Variants in CRYL1 observed in about 807,000 individuals in gnomAD.
CRYL1 encodes the protein lambda-crystallin homolog.
Under a neutral mutation model 36.6 loss-of-function variants are expected in CRYL1, and 29 were observed. The observed-to-expected ratio is 0.79, with a 90% CI of 0.59 to 1.08. The LOEUF is 1.08. Among genes scored for constraint, CRYL1 ranks in the 50% least tolerant of loss-of-function variants. The probability of loss-of-function intolerance (pLI) is 0.00; values close to 1 mark genes in which losing one functional copy is unlikely to be tolerated. For synonymous variants in CRYL1, 152 were observed against 151.5 expected (o/e 1.00, Z -0.02); for missense variants, 411 against 407.9 (o/e 1.01, Z -0.06).
chr13:20,485,849 T>A (rs993707178), intron 3 of CRYL1, among the ~76,000 whole-genome samples: 3 of 152,204 alleles, frequency 2.0e-5, no homozygotes, highest in Non-Finnish European at 4.4e-5. Flanking sequence ...GGACTTAGAT[T>A]GAAATCCAAA....
chr13:20,479,756 G>A (rs530301341), intron 3 of CRYL1, among the ~76,000 whole-genome samples: 25 of 152,274 alleles, frequency 1.6e-4, no homozygotes, highest in African/African-American at 5.1e-4. Flanking sequence ...TGCAAACTTT[G>A]TTAATATTTA....
chr13:20,430,246 A>G, intron 5 of CRYL1: 1 of 984,680 alleles, frequency 1.0e-6, no homozygotes, highest in Non-Finnish European at 1.2e-6. Flanking sequence ...TTTTACTCAC[A>G]TTTTCTTAAT....
At chr13:20,476,906 A>G (rs1024215937) in intron 3 of CRYL1, 5 of 152,504 alleles carry the variant, frequency 3.3e-5, no homozygotes, top group African/African-American at 7.2e-5. Context: ...TCACGCCTGT[A>G]ATCCCAGCAC....
intron 1 of CRYL1, among the ~76,000 whole-genome samples, chr13:20,518,766 G>A (rs1159087287): frequency 6.6e-6 from 1 of 152,182 alleles, no homozygotes; most frequent in Non-Finnish European, 1.5e-5. Flanking sequence ...GAGGCAGAGG[G>A]GGTGCTGGAA....
chr13:20,443,574 G>A (rs1455831947), intron 3 of CRYL1, among the ~76,000 whole-genome samples: 1 of 151,940 alleles, frequency 6.6e-6, no homozygotes, highest in Admixed American at 6.6e-5. Flanking sequence ...TGTATTTTTA[G>A]TAGAGACAGG....
chr13:20,472,591 C>T (rs978511404), intron 3 of CRYL1, among the ~76,000 whole-genome samples: 5 of 152,188 alleles, frequency 3.3e-5, no homozygotes, highest in South Asian at 4.1e-4. Flanking sequence ...TCCTAACGTA[C>T]GGGCAAGGCT....
At chr13:20,412,946 T>C (rs186069590) in intron 6 of CRYL1, among the ~76,000 whole-genome samples, 3 of 152,318 alleles carry the variant, frequency 2.0e-5, no homozygotes, top group South Asian at 4.1e-4. Flanking sequence ...CTGTAAATAA[T>C]GTCATCATCT....
Position 20,468,613 on chromosome 13 carries a change from T to G in CRYL1, c.276+20757A>C, listed in dbSNP as rs2032990640. ...CTCCCTTTACCTAGTTTTTGTTTGT[T>G]TGTTTGTTTTGAGGTGCAGTCTCGC... On this transcript the variant is annotated intron_variant, in intron 3 of 7. Coordinates refer to ENST00000298248, the MANE Select transcript of CRYL1 (RefSeq NM_015974.3). Among the ~76,000 whole-genome samples, 4 of 152,196 alleles carry G rather than the reference T, an allele frequency of 2.6e-5. No homozygotes were observed. In the South Asian group the frequency reaches 8.3e-4, roughly 32 times the overall value.
intron 3 of CRYL1, among the ~76,000 whole-genome samples, chr13:20,447,790 T>C (rs1054548136): frequency 6.6e-6 from 1 of 152,198 alleles, no homozygotes; most frequent in African/African-American, 2.4e-5. Flanking sequence ...ACCTTATACC[T>C]TGCTCAATTC....
Position 20,441,904 on chromosome 13 carries a change from T to C in CRYL1, c.277-2150A>G, listed in dbSNP as rs1487986283. On this transcript the variant is annotated intron_variant, in intron 3 of 7. Transcript: ENST00000298248. Reference sequence around the variant, plus strand: ...GTGAATCTTTTTAAAGAAACAAAAGTTCGCATGAGCACCACATCTCAAAGA... The same window carrying C: ...GTGAATCTTTTTAAAGAAACAAAAGCTCGCATGAGCACCACATCTCAAAGA... Among the ~76,000 whole-genome samples, 3 of 152,240 alleles carry C rather than the reference T, an allele frequency of 2.0e-5. No individual in the cohort carries two copies. In the South Asian group the frequency reaches 6.2e-4, roughly 32 times the overall value.
intron 2 of CRYL1, among the ~76,000 whole-genome samples, chr13:20,509,250 T>TTTTTGTTTTGTTTTG (rs10694169): frequency 6.8e-6 from 1 of 146,868 alleles, no homozygotes; most frequent in East Asian, 2.0e-4. Flanking sequence ...GCCTCATAGT[T>TTTTTGTTTTGTTTTG]TTTTGTTTTG....
intron 2 of CRYL1, among the ~76,000 whole-genome samples, chr13:20,491,015 C>T (rs2033501250): frequency 6.6e-6 from 1 of 152,174 alleles, no homozygotes; most frequent in South Asian, 2.1e-4. Context: ...AAGTGATCTC[C>T]CACCTCAGCC....
intron 4 of CRYL1, 63 bp downstream of exon 4, chr13:20,439,530 A>T: frequency 2.8e-4 from 206 of 732,056 alleles, no homozygotes; most frequent in Non-Finnish European, 3.6e-4. Context: ...AAAAAAAAAA[A>T]GAAAAAAAAA....
At chr13:20,519,054 A>G (rs1191981902) in intron 1 of CRYL1, among the ~76,000 whole-genome samples, 1 of 152,192 alleles carries the variant, frequency 6.6e-6, no homozygotes, top group East Asian at 1.9e-4. Flanking sequence ...GTTCAGAGCC[A>G]AGGGCTGGGC....
chr13:20,409,517 C>A (rs1301879857), intron 6 of CRYL1, among the ~76,000 whole-genome samples: 175 of 150,340 alleles, frequency 1.2e-3, no homozygotes, highest in African/African-American at 3.9e-3. Flanking sequence ...GCAACAAAAG[C>A]CAAAATTGAC....
chr13:20,405,611 C>G (rs1046841214), intron 6 of CRYL1, among the ~76,000 whole-genome samples: 2 of 152,196 alleles, frequency 1.3e-5, no homozygotes, highest in Admixed American at 1.3e-4. Context: ...TTGTACCTTG[C>G]TGGTTTGGGT....
At chr13:20,468,539 G>GTC (rs1422566675) in intron 3 of CRYL1, among the ~76,000 whole-genome samples, 15 of 152,322 alleles carry the variant, frequency 9.8e-5, no homozygotes, top group Non-Finnish European at 2.2e-4. Context: ...ACTGAACAAA[G>GTC]AAGAAGCCAG....
intron 2 of CRYL1, among the ~76,000 whole-genome samples, chr13:20,508,012 G>C (rs1011981923): frequency 2.0e-5 from 3 of 151,828 alleles, no homozygotes; most frequent in African/African-American, 7.3e-5. Context: ...AGGCTGAGGT[G>C]AGCTGATCAC....
intron 5 of CRYL1, chr13:20,431,506 CA>C (rs553525400): frequency 2.0e-6 from 2 of 998,432 alleles, no homozygotes; most frequent in Non-Finnish European, 2.4e-6. Flanking sequence ...CTCCAGGCAC[CA>C]CGGCCCCTCA....
Sources: gnomAD v4.1 joint callset for allele counts (sites outside exome capture counted in the v4.1 genomes callset) on GRCh38, gnomAD v4.1.1 for gene constraint, MANE v1.5 for transcripts, NCBI Gene and HGNC (gene_info 2026-07-23, HGNC 2026-07-21) for gene names.